PRDM11: variants seen among roughly 807,000 people sequenced by gnomAD.
PRDM11 encodes the protein PR/SET domain 11, also known as PR domain-containing protein 11.
A neutral mutation model predicts 97.8 loss-of-function variants in PRDM11; 20 were observed. The ratio of observed to expected loss-of-function variants is 0.20; its 90% CI spans 0.14 to 0.30. The LOEUF (loss-of-function observed/expected upper bound fraction) is 0.30, where lower values mean the gene tolerates loss of function less well. Among genes scored for constraint, PRDM11 ranks in the 10% least tolerant of loss-of-function variants. PRDM11 has a pLI of 1.00. For missense variants in PRDM11, 1,139 were observed against 1,555.2 expected (o/e 0.73, Z 4.50); for synonymous variants, 599 against 637.7 (o/e 0.94, Z 0.91).
chr11:45,125,029 T>C lies in PRDM11; in HGVS notation c.96+29128T>C, dbSNP rs375864403. Among the ~76,000 whole-genome samples, 25 of 152,174 alleles carry C rather than the reference T, an allele frequency of 1.6e-4. No homozygotes were observed. The East Asian group carries it at 2.7e-3, about 16-fold the overall frequency. On this transcript the variant is annotated intron_variant, in intron 1 of 6. Transcript: ENST00000530656. Reference sequence around the variant, plus strand: ...CCACAATTTCAGAGCCTGTTATTGGTCTATTCAGAGATTCAACTTCTTCCT... The same window carrying C: ...CCACAATTTCAGAGCCTGTTATTGGCCTATTCAGAGATTCAACTTCTTCCT...
Position 45,232,012 on chromosome 11 carries a change from G to C in PRDM11, c.*3853G>C, listed in dbSNP as rs1854407348. 1 of 152,080 alleles carries C rather than the reference G, an allele frequency of 6.6e-6. No homozygotes were observed. The highest frequency in any genetic ancestry group is 1.5e-5 in the Non-Finnish European group (1 of 68,024). The allele number at this position is 152,080 out of a possible 1,614,324, so 9.4% of individuals were successfully genotyped here. ...GAATCTATGGCACTTGGGGGTCTCT[G>C]ACCTCAGCCTCTGCCACATGTTTCC... On this transcript the variant is annotated 3_prime_UTR_variant, in exon 8 of 8. Coordinates refer to ENST00000683152, the MANE Select transcript of PRDM11 (RefSeq NM_001384648.1).
chr11:45,149,671 T>C (rs573746366), intron 1 of PRDM11, among the ~76,000 whole-genome samples: 1 of 152,370 alleles, frequency 6.6e-6, no homozygotes, highest in African/African-American at 2.4e-5. Context: ...CCCTCCACAG[T>C]GCACTTTCCC....
intron 1 of PRDM11, among the ~76,000 whole-genome samples, chr11:45,160,036 C>A (rs1851893239): frequency 1.3e-5 from 2 of 152,224 alleles, no homozygotes; most frequent in South Asian, 4.1e-4. Flanking sequence ...CAGCCTCTCC[C>A]TTCTGCAGGG....
intron 5 of PRDM11, chr11:45,212,599 T>C (rs1468535888): frequency 2.2e-6 from 1 of 456,340 alleles, no homozygotes; most frequent in East Asian, 7.0e-5. Context: ...CAGACCAGTC[T>C]GAGACGGTGG....
intron 1 of PRDM11, among the ~76,000 whole-genome samples, chr11:45,123,550 G>C (rs1303003778): frequency 1.3e-5 from 2 of 152,096 alleles, no homozygotes; most frequent in Non-Finnish European, 2.9e-5. Flanking sequence ...TCCAGTTTCA[G>C]CTTTCTACAT....
At chr11:45,131,206 G>C (rs1292652545) in intron 1 of PRDM11, among the ~76,000 whole-genome samples, 2 of 152,150 alleles carry the variant, frequency 1.3e-5, no homozygotes, top group Admixed American at 1.3e-4. Flanking sequence ...CTCACTTGTG[G>C]TGATAGAATC....
At chr11:45,146,074 CA>C (rs2135673485), upstream of PRDM11, among the ~76,000 whole-genome samples, 1 of 152,344 alleles carries the variant, frequency 6.6e-6, no homozygotes, top group Non-Finnish European at 1.5e-5. Flanking sequence ...TACAAAACCG[CA>C]ACCCCACATA....
intron 5 of PRDM11, chr11:45,213,326 T>C (rs11038356): frequency 0.92 from 417,454 of 455,398 alleles, 193,953 homozygotes; most frequent in Non-Finnish European, 0.97. Flanking sequence ...TGTCCCGTGG[T>C]GGCAGGCCTT....
At chr11:45,179,402 C>A (rs1852412572) in intron 1 of PRDM11, among the ~76,000 whole-genome samples, 1 of 152,212 alleles carries the variant, frequency 6.6e-6, no homozygotes, top group Admixed American at 6.5e-5. Context: ...TTATTAGCCA[C>A]ATTTTCTAGA....
intron 4 of PRDM11, among the ~76,000 whole-genome samples, chr11:45,197,685 G>C (rs986138387): frequency 6.6e-6 from 1 of 152,024 alleles, no homozygotes; most frequent in Non-Finnish European, 1.5e-5. Context: ...AAACCGAAAA[G>C]AAATTTGAAA....
At chr11:45,190,782 A>C (rs995117777) in intron 4 of PRDM11, among the ~76,000 whole-genome samples, 1 of 152,232 alleles carries the variant, frequency 6.6e-6, no homozygotes, top group Non-Finnish European at 1.5e-5. Flanking sequence ...TTTGAAAGTC[A>C]TAGAAATAAA....
intron 1 of PRDM11, among the ~76,000 whole-genome samples, chr11:45,140,997 AAG>A (rs2135666320): frequency 6.6e-6 from 1 of 152,258 alleles, no homozygotes; most frequent in South Asian, 2.1e-4. Flanking sequence ...CAAGTTTGGA[AAG>A]AGTACTCCAC....
chr11:45,204,443 C>T (rs1470866628), intron 4 of PRDM11, among the ~76,000 whole-genome samples: 1 of 152,206 alleles, frequency 6.6e-6, no homozygotes, highest in Non-Finnish European at 1.5e-5. Context: ...TGCTTCCCAT[C>T]TTCCAGGAAT....
At chr11:45,133,370 G>A (rs1386840476) in intron 1 of PRDM11, among the ~76,000 whole-genome samples, 1 of 152,126 alleles carries the variant, frequency 6.6e-6, no homozygotes, top group Non-Finnish European at 1.5e-5. Flanking sequence ...TAACCCTATT[G>A]TCCACTTTCT....
At chr11:45,192,468 A>G (rs1380919418) in intron 4 of PRDM11, among the ~76,000 whole-genome samples, 1 of 152,218 alleles carries the variant, frequency 6.6e-6, no homozygotes, top group African/African-American at 2.4e-5. Context: ...AACCAAACCA[A>G]AGATTTCCCC....
rs1565350034 is a variant in PRDM11, at chr11:45,226,384, C to T, written c.1759C>T (p.Arg587Cys). 1.3e-5 allele frequency: 20 copies of T among 1,533,852 alleles called. No individual in the cohort carries two copies. Among genetic ancestry groups the T allele is most frequent in the East Asian group, 2.4e-5 (1 of 40,916 alleles). ...MHPEKTEEMC[R>C]NMTLLFNTAY... The stretch of plus-strand genomic sequence containing the variant: ...CCCGGAGAAGACAGAGGAGATGTGT[C>T]GCAACATGACCCTGCTCTTCAACAC... The change falls in exon 8 of 8, where the codon CGC (arginine) becomes TGC (cysteine). Residue 587 changes from arginine to cysteine, a missense_variant. Around this residue, in one of 2 missense-constraint regions of PRDM11, gnomAD observed 710 missense variants for 1,044.9 expected, o/e 0.68. Coordinates refer to ENST00000683152, the MANE Select transcript of PRDM11 (RefSeq NM_001384648.1).
At chr11:45,166,021 C>T (rs946541164) in intron 1 of PRDM11, among the ~76,000 whole-genome samples, 1 of 152,214 alleles carries the variant, frequency 6.6e-6, no homozygotes, top group Non-Finnish European at 1.5e-5. Context: ...AGCCTCCATT[C>T]CTATCTGAAA....
intron 1 of PRDM11, among the ~76,000 whole-genome samples, chr11:45,120,587 C>G (rs950707383): frequency 1.6e-4 from 24 of 151,848 alleles, no homozygotes; most frequent in African/African-American, 5.8e-4. Flanking sequence ...TCTATATCCA[C>G]TAAAATGTCC....
In PRDM11 at chr11:45,110,639, G is replaced by T. The variant is rs537699594; in HGVS notation, c.96+14738G>T. On this transcript the variant is annotated intron_variant, in intron 1 of 6. Transcript: ENST00000530656. The stretch of plus-strand genomic sequence containing the variant: ...CGGCGCAACGACCTCACCAAACAAG[G>T]CCCCTTCAGGAGTGTCCTGGACCGG... Among the ~76,000 whole-genome samples, 5 of 152,336 alleles carry T rather than the reference G, an allele frequency of 3.3e-5. No individual in the cohort carries two copies. In the East Asian group the frequency reaches 5.8e-4, roughly 18 times the overall value.
Sources: gnomAD v4.1 joint callset for allele counts (sites outside exome capture counted in the v4.1 genomes callset) on GRCh38, gnomAD v4.1.1 for gene constraint, gnomAD v4.1.1 regional missense constraint, MANE v1.5 for transcripts, NCBI Gene and HGNC (gene_info 2026-07-23, HGNC 2026-07-21) for gene names.